Variants in EFR3A observed in about 807,000 individuals in gnomAD.
The protein encoded by EFR3A is protein EFR3 homolog A.
EFR3A carries 76 observed loss-of-function variants against 104.4 expected under a neutral mutation model. That is an observed-to-expected ratio of 0.73 (90% CI 0.60 to 0.88). EFR3A has a LOEUF of 0.88. EFR3A is among the 40% of genes least tolerant of loss of function. EFR3A has a pLI of 0.00. For synonymous variants in EFR3A, 330 were observed against 330.0 expected, an observed-to-expected ratio of 1.00 and a Z score of 0.00; for missense variants, 985 against 1,012.5, an observed-to-expected ratio of 0.97 and a Z score of 0.37.
At chr8:131,971,133 T>G (rs1820031381) in intron 10 of EFR3A, among the ~76,000 whole-genome samples, 1 of 152,204 alleles carries the variant, frequency 6.6e-6, no homozygotes, top group Admixed American at 6.5e-5. Context: ...ATTGTCAACA[T>G]CACTAAATTT....
intron 7 of EFR3A, among the ~76,000 whole-genome samples, chr8:131,957,590 T>G (rs1819076875): frequency 6.6e-6 from 1 of 152,152 alleles, no homozygotes; most frequent in Non-Finnish European, 1.5e-5. Context: ...CCTCAGGTGA[T>G]CTGCCTGCCT....
chr8:131,976,104 G>C lies in EFR3A; in HGVS notation c.1237G>C (p.Gly413Arg), dbSNP rs1226633224. The change falls in exon 11 of 23, where the codon GGA (glycine) becomes CGA (arginine). Residue 413 changes from glycine to arginine, a missense_variant. Physicochemically the swap from Gly to Arg is moderately radical, Grantham distance 125. Coordinates refer to ENST00000254624, the MANE Select transcript of EFR3A (RefSeq NM_015137.6). Reference sequence around the variant, plus strand: ...CATTATGGGGAAAGTACCTGTCTTTGGAACATCTACCCATACTTTGGATAT... The same window carrying C: ...CATTATGGGGAAAGTACCTGTCTTTCGAACATCTACCCATACTTTGGATAT... ...MFIMGKVPVF[G>R]TSTHTLDISQ... 3 of 1,603,444 alleles carry C rather than the reference G, an allele frequency of 1.9e-6. No homozygotes were observed. In the Admixed American group the frequency reaches 5.1e-5, roughly 27 times the overall value.
chr8:131,940,693 A>G (rs1290143825), intron 2 of EFR3A, 118 bp downstream of exon 2: 5 of 1,412,506 alleles, frequency 3.5e-6, no homozygotes, highest in Non-Finnish European at 4.6e-6. Context: ...CTCATCATTT[A>G]TACTACTTTT....
intron 1 of EFR3A, among the ~76,000 whole-genome samples, chr8:131,919,564 C>G (rs58800934): frequency 0.011 from 1,592 of 147,760 alleles, 26 homozygotes; most frequent in African/African-American, 0.038. Flanking sequence ...CCACTGCACT[C>G]CAGCCTGGGC....
intron 1 of EFR3A, among the ~76,000 whole-genome samples, chr8:131,936,036 C>T (rs947913002): frequency 1.3e-5 from 2 of 152,048 alleles, no homozygotes; most frequent in Non-Finnish European, 2.9e-5. Flanking sequence ...TCCATACTAT[C>T]AGTTTCACCT....
At chr8:131,937,989 A>G (rs937812629) in intron 1 of EFR3A, among the ~76,000 whole-genome samples, 10 of 152,126 alleles carry the variant, frequency 6.6e-5, no homozygotes, top group African/African-American at 2.4e-4. Flanking sequence ...AGCTAGCAAT[A>G]TAAGTACTTT....
chr8:132,009,662 G>C (rs1275821670), intron 22 of EFR3A, among the ~76,000 whole-genome samples: 1 of 152,068 alleles, frequency 6.6e-6, no homozygotes, highest in African/African-American at 2.4e-5. Context: ...GACCAGCGAG[G>C]AAGGGTCGGG....
intron 14 of EFR3A, 142 bp from the exon 15 acceptor site, chr8:131,983,997 T>C (rs1248111129): frequency 3.5e-6 from 2 of 571,118 alleles, no homozygotes; most frequent in East Asian, 3.4e-5. Flanking sequence ...TAATTGAAAT[T>C]TGACTATCTG....
At chr8:131,988,046 AATG>A (rs1285050245) in intron 18 of EFR3A, among the ~76,000 whole-genome samples, 1 of 152,100 alleles carries the variant, frequency 6.6e-6, no homozygotes, top group Non-Finnish European at 1.5e-5. Flanking sequence ...AAAATTGTTT[AATG>A]ATAAGTGATT....
At chr8:131,998,531 T>C (rs543655090) in intron 19 of EFR3A, among the ~76,000 whole-genome samples, 2 of 152,174 alleles carry the variant, frequency 1.3e-5, no homozygotes, top group Non-Finnish European at 2.9e-5. Flanking sequence ...TTGAAATACC[T>C]GATCCACTTG....
chr8:131,913,475 T>A (rs78299559), intron 1 of EFR3A, among the ~76,000 whole-genome samples: 1 of 152,016 alleles, frequency 6.6e-6, no homozygotes, highest in Admixed American at 6.6e-5. Context: ...TTTTTTTTTT[T>A]AATTTTACTT....
rs564037791 is a variant in EFR3A at position 131,998,439 on chromosome 8, A to G, written c.2157+1942A>G. Among the ~76,000 whole-genome samples, 290 of 152,000 alleles carry G rather than the reference A, an allele frequency of 1.9e-3. 2 individuals are homozygous for G. The highest frequency in any genetic ancestry group is 6.6e-3 in the African/African-American group (275 of 41,492). ...TTTTTAAACTTATAATTTAAAAAAA[A>G]AGAGAGAGAGTCAGAAGGTTGTTTA... On this transcript the variant is annotated intron_variant, in intron 19 of 22. Transcript: ENST00000254624.
intron 1 of EFR3A, among the ~76,000 whole-genome samples, chr8:131,917,125 G>A (rs1196650635): frequency 2.0e-5 from 3 of 152,220 alleles, no homozygotes; most frequent in Non-Finnish European, 4.4e-5. Flanking sequence ...ATCATAATGT[G>A]TATTTGTGAA....
At chr8:131,909,600 C>T (rs1480245398) in intron 1 of EFR3A, among the ~76,000 whole-genome samples, 1 of 152,108 alleles carries the variant, frequency 6.6e-6, no homozygotes, top group Non-Finnish European at 1.5e-5. Context: ...GCAGGCCTGT[C>T]TGTACCACAT....
At chr8:131,979,490 A>G (rs1586643193) in intron 14 of EFR3A, 69 bp downstream of exon 14, 3 of 1,123,590 alleles carry the variant, frequency 2.7e-6, no homozygotes, top group South Asian at 2.8e-5. Flanking sequence ...AGGTGGTTTT[A>G]TATTGATCTG....
Position 132,010,950 on chromosome 8 carries a change from G to A in EFR3A, c.*55G>A. On this transcript the variant is annotated 3_prime_UTR_variant, in exon 23 of 23. Coordinates refer to ENST00000254624, the MANE Select transcript of EFR3A (RefSeq NM_015137.6). ...TGTAAAGCCTAAAAATTAAGGCCAA[G>A]CTGAGCTTTCAGGGTTTACTTAATG... 1 of 1,509,664 alleles carries A rather than the reference G, an allele frequency of 6.6e-7. No individual in the cohort carries two copies. The highest frequency in any genetic ancestry group is 9.0e-7 in the Non-Finnish European group (1 of 1,110,410). 93.5% of individuals were successfully genotyped at this position (1,509,664 alleles called of 1,614,324 possible).
At chr8:131,912,044 T>C (rs1320940295) in intron 1 of EFR3A, among the ~76,000 whole-genome samples, 1 of 152,140 alleles carries the variant, frequency 6.6e-6, no homozygotes, top group Non-Finnish European at 1.5e-5. Context: ...GCGATTCTGG[T>C]TTCTATAGCT....
At chr8:131,925,436 C>A (rs1258508956) in intron 1 of EFR3A, among the ~76,000 whole-genome samples, 1 of 152,054 alleles carries the variant, frequency 6.6e-6, no homozygotes, top group African/African-American at 2.4e-5. Context: ...TTAGCTCTTG[C>A]AGGCAGGTAA....
At chr8:131,938,685 A>C (rs1818023100) in intron 1 of EFR3A, among the ~76,000 whole-genome samples, 2 of 152,156 alleles carry the variant, frequency 1.3e-5, no homozygotes, top group Admixed American at 1.3e-4. Context: ...GAAAGCTAAA[A>C]TATTTAAAGT....
Sources: gnomAD v4.1 joint callset for allele counts (sites outside exome capture counted in the v4.1 genomes callset) on GRCh38, gnomAD v4.1.1 for gene constraint, MANE v1.5 for transcripts, NCBI Gene and HGNC (gene_info 2026-07-23, HGNC 2026-07-21) for gene names.